ESYT2: variants seen among roughly 807,000 people sequenced by gnomAD.
ESYT2 encodes the protein extended synaptotagmin-2.
ESYT2 carries 54 observed loss-of-function variants against 107.2 expected under a neutral mutation model. The observed-to-expected ratio is 0.50, with a 90% confidence interval of 0.40 to 0.63. ESYT2 has a LOEUF of 0.63. Among genes scored for constraint, ESYT2 ranks in the 30% least tolerant of loss-of-function variants. ESYT2 has a pLI of 0.00. For missense variants in ESYT2, 1,020 were observed against 1,094.5 expected (o/e 0.93, Z 0.96); for synonymous variants, 491 against 434.1 (o/e 1.13, Z -1.63).
At chr7:158,805,866 C>G (rs1436315621) in intron 1 of ESYT2, among the ~76,000 whole-genome samples, 2 of 152,216 alleles carry the variant, frequency 1.3e-5, no homozygotes, top group African/African-American at 4.8e-5. Flanking sequence ...GACTTTCTCA[C>G]CACAAATCAA....
chr7:158,763,004 T>C, intron 10 of ESYT2, 79 bp downstream of exon 10: 1 of 970,516 alleles, frequency 1.0e-6, no homozygotes, highest in Non-Finnish European at 1.6e-6. Flanking sequence ...ACAAATGTAT[T>C]TTAAAACATA....
At chr7:158,748,878 C>T (rs1446610561) in intron 15 of ESYT2, among the ~76,000 whole-genome samples, 3 of 151,572 alleles carry the variant, frequency 2.0e-5, no homozygotes, top group African/African-American at 7.3e-5. Context: ...TGCCACCATG[C>T]CCAGCTAATT....
intron 11 of ESYT2, 72 bp downstream of exon 11, chr7:158,761,424 C>T (rs1030281472): frequency 2.9e-6 from 4 of 1,369,854 alleles, no homozygotes; most frequent in Admixed American, 1.7e-5. Context: ...AGGGGTGGTT[C>T]GTGGCTCCTC....
chr7:158,739,496 G>A (rs576491131), intron 18 of ESYT2, among the ~76,000 whole-genome samples: 2 of 152,122 alleles, frequency 1.3e-5, no homozygotes, highest in Middle Eastern at 3.4e-3. Flanking sequence ...ACAGGCGCCC[G>A]CCACCACGCC....
rs1563609712 is a variant in ESYT2, at chr7:158,732,252, GA to G, written c.*1954del. On this transcript the variant is annotated 3_prime_UTR_variant, in exon 23 of 23. Coordinates refer to ENST00000275418, the MANE Select transcript of ESYT2 (RefSeq NM_001367773.1). Reference sequence around the variant, plus strand: ...AGATTATGACAGAAGACTTTCAACAGACCTGATTTTTAAAAAACCCTCAACA... The same window carrying G: ...AGATTATGACAGAAGACTTTCAACAGCCTGATTTTTAAAAAACCCTCAACA... 2 of 152,132 alleles carry G rather than the reference GA, an allele frequency of 1.3e-5. No homozygotes were observed. The highest frequency in any genetic ancestry group is 2.9e-5 in the Non-Finnish European group (2 of 68,042). 9.4% of individuals were successfully genotyped at this position (152,132 alleles called of 1,614,324 possible).
intron 16 of ESYT2, 112 bp from the exon 17 acceptor site, chr7:158,743,790 G>A: frequency 2.4e-6 from 3 of 1,238,378 alleles, no homozygotes; most frequent in Non-Finnish European, 3.2e-6. Flanking sequence ...CTTAGAAAAT[G>A]TAGAAAGGGG....
intron 1 of ESYT2, among the ~76,000 whole-genome samples, chr7:158,823,285 ACT>A (rs1391176717): frequency 2.9e-5 from 3 of 104,170 alleles, no homozygotes; most frequent in East Asian, 6.7e-4. Context: ...ACAGAGTGAG[ACT>A]CTGTCTCAAA....
At chr7:158,743,730 A>T (rs1417213796) in intron 16 of ESYT2, 52 bp from the exon 17 acceptor site, 2 of 1,567,790 alleles carry the variant, frequency 1.3e-6, no homozygotes, top group African/African-American at 1.4e-5. Flanking sequence ...TGTCTGCAGA[A>T]CCTTTCTACG....
rs184763193 is a variant in ESYT2, at chr7:158,754,002, C to T, written c.1420-1159G>A. Among the ~76,000 whole-genome samples the T allele has an allele frequency of 3.7e-4, 57 of 152,122 alleles. 1 individual carries two copies. The highest frequency in any genetic ancestry group is 1.3e-3 in the African/African-American group (52 of 41,524). On this transcript the variant is annotated intron_variant, in intron 13 of 22. Coordinates refer to ENST00000275418, the MANE Select transcript of ESYT2 (RefSeq NM_001367773.1). ...TAAAGTAAAACAAGGAGAGAGGCTG[C>T]GGTGTGTGGGTAGGGGATGCAGGAG...
rs1836816892 is a variant in ESYT2, at chr7:158,733,596, A to G, written c.*611T>C. The G allele has an allele frequency of 6.6e-6, 1 of 152,356 alleles. No individual in the cohort carries two copies. Among genetic ancestry groups the G allele is most frequent in the Non-Finnish European group, 1.5e-5 (1 of 68,050 alleles). The allele number at this position is 152,356 out of a possible 1,614,324, so 9.4% of individuals were successfully genotyped here. ...ACTTACTTCTCAATAATACATCCTT[A>G]TATTTATGAAAATGTTAATATTTTG... On this transcript the variant is annotated 3_prime_UTR_variant, in exon 23 of 23. Transcript: ENST00000275418.
chr7:158,752,445 A>G (rs141870612), intron 14 of ESYT2, among the ~76,000 whole-genome samples: 3 of 152,360 alleles, frequency 2.0e-5, no homozygotes, highest in African/African-American at 7.2e-5. Context: ...TGATTTAAAC[A>G]TCAGTTAAGA....
intron 8 of ESYT2, among the ~76,000 whole-genome samples, chr7:158,766,681 T>C (rs1030296645): frequency 3.2e-4 from 49 of 152,220 alleles, no homozygotes; most frequent in African/African-American, 1.2e-3. Flanking sequence ...GATCTACTTC[T>C]ACTTCAGCGA....
chr7:158,787,858 T>C (rs920094005), intron 6 of ESYT2, 146 bp downstream of exon 6: 66 of 601,152 alleles, frequency 1.1e-4, no homozygotes, highest in Admixed American at 7.4e-4. Flanking sequence ...CACAAAGAAA[T>C]ACAAAAAACT....
intron 8 of ESYT2, among the ~76,000 whole-genome samples, chr7:158,765,824 C>G (rs1215963805): frequency 3.3e-5 from 5 of 152,086 alleles, no homozygotes; most frequent in Non-Finnish European, 5.9e-5. Flanking sequence ...AAAATTCACT[C>G]TTATTTCTTC....
intron 6 of ESYT2, among the ~76,000 whole-genome samples, chr7:158,781,028 AAAT>A (rs1404229413): frequency 1.3e-5 from 2 of 152,254 alleles, no homozygotes; most frequent in Non-Finnish European, 2.9e-5. Flanking sequence ...GTGAGAAAGA[AAAT>A]AAGTGTGAGA....
chr7:158,818,942 TG>T (rs937094163), intron 1 of ESYT2, among the ~76,000 whole-genome samples: 2 of 152,228 alleles, frequency 1.3e-5, no homozygotes, highest in African/African-American at 4.8e-5. Flanking sequence ...GCACGGGCCC[TG>T]GCCACATGAC....
intron 1 of ESYT2, among the ~76,000 whole-genome samples, chr7:158,820,328 T>C (rs1334563720): frequency 6.6e-6 from 1 of 152,208 alleles, no homozygotes; most frequent in Non-Finnish European, 1.5e-5. Context: ...ATATAATATA[T>C]TCTTGAAAAA....
chr7:158,765,357 A>G (rs527889537), intron 8 of ESYT2, among the ~76,000 whole-genome samples: 29 of 152,344 alleles, frequency 1.9e-4, no homozygotes, highest in Admixed American at 1.8e-3. Flanking sequence ...CATTTTCAGA[A>G]TAATTCTATG....
chr7:158,799,077 G>C lies in ESYT2; in HGVS notation c.331-5C>G. ...TTCAGTGTCTGGAAAATGAACCTAG[G>C]AGGAAAATACACACATATGACTTAT... On this transcript the variant is annotated splice_region_variant and splice_polypyrimidine_tract_variant and intron_variant, in intron 1 of 22. Transcript: ENST00000275418. 6.2e-7 allele frequency: 1 copy of C among 1,613,270 alleles called. No individual in the cohort carries two copies. Among genetic ancestry groups the C allele is most frequent in the Non-Finnish European group, 8.5e-7 (1 of 1,179,418 alleles).
Sources: gnomAD v4.1 joint callset for allele counts (sites outside exome capture counted in the v4.1 genomes callset) on GRCh38, gnomAD v4.1.1 for gene constraint, MANE v1.5 for transcripts, NCBI Gene and HGNC (gene_info 2026-07-23, HGNC 2026-07-21) for gene names.